Variants in RAB27A observed in about 807,000 individuals in gnomAD.
RAB27A encodes the protein RAB27A, member RAS oncogene family.
In RAB27A, 17 loss-of-function variants were observed where a neutral mutation model predicts 20.8. The ratio of observed to expected loss-of-function variants is 0.82; its 90% confidence interval spans 0.56 to 1.23. The LOEUF (loss-of-function observed/expected upper bound fraction) is 1.23. Ranked by LOEUF, RAB27A falls within the 50% of genes most tolerant of loss-of-function variation. The pLI, the probability that RAB27A is intolerant of heterozygous loss-of-function variation, is 0.00. For synonymous variants in RAB27A, 85 were observed against 92.8 expected (o/e 0.92, Z 0.48); for missense variants, 277 against 266.7 (o/e 1.04, Z -0.27).
rs143297623 is a variant in RAB27A, at chr15:55,255,781, G to A, written c.-23+14384C>T. Among the ~76,000 whole-genome samples, 22 of 152,206 alleles carry A rather than the reference G, an allele frequency of 1.4e-4. No individual in the cohort carries two copies. The East Asian group carries it at 4.1e-3, about 28-fold the overall frequency. On this transcript the variant is annotated intron_variant, in intron 2 of 6. Coordinates refer to ENST00000336787, the MANE Select transcript of RAB27A (RefSeq NM_183235.3). ...AAGAAGTTGGTAATTAGGGTGAGGT[G>A]GAATGATGTACTCATTTACGAAAAA...
intron 2 of RAB27A, among the ~76,000 whole-genome samples, chr15:55,262,598 A>G (rs1897313565): frequency 1.3e-5 from 2 of 150,770 alleles, no homozygotes; most frequent in South Asian, 2.1e-4. Flanking sequence ...GTGAATAGAC[A>G]TGGTGATACA....
rs371457508 is a variant in RAB27A, at chr15:55,279,884, T to C, written c.-142-9600A>G. On this transcript the variant is annotated intron_variant, in intron 1 of 6. Coordinates refer to ENST00000336787, the MANE Select transcript of RAB27A (RefSeq NM_183235.3). ...CGAGGTCAGCAGCCTTAACCAGCGA[T>C]TGAGTCATGAAATGTACTTGTAGAC... 2.8e-4 allele frequency among the ~76,000 whole-genome samples: 42 copies of C among 152,252 alleles called. 2 individuals are homozygous for C. The highest frequency in any genetic ancestry group is 1.2e-3 in the Admixed American group (19 of 15,288).
chr15:55,287,472 G>T (rs963095577), intron 1 of RAB27A, among the ~76,000 whole-genome samples: 12 of 152,296 alleles, frequency 7.9e-5, no homozygotes, highest in African/African-American at 2.2e-4. Context: ...GGAAGGCCAG[G>T]CATGGTGGCT....
intron 1 of RAB27A, among the ~76,000 whole-genome samples, chr15:55,274,794 T>TTACATATATATATATATA (rs1555399452): frequency 3.8e-5 from 2 of 52,172 alleles, no homozygotes; most frequent in Non-Finnish European, 8.7e-5. Flanking sequence ...AATAAATAAA[T>TTACATATATATATATATA]TATATATATA....
chr15:55,278,528 G>C (rs1897932749), intron 1 of RAB27A, among the ~76,000 whole-genome samples: 2 of 149,462 alleles, frequency 1.3e-5, no homozygotes, highest in Non-Finnish European at 3.0e-5. Flanking sequence ...TGCCACCCAG[G>C]CTGGAGTGCA....
chr15:55,257,915 C>A (rs897168993), intron 2 of RAB27A, among the ~76,000 whole-genome samples: 1 of 152,022 alleles, frequency 6.6e-6, no homozygotes, highest in Non-Finnish European at 1.5e-5. Context: ...ATTGCTTGAA[C>A]CTGGGAGGCA....
At chr15:55,258,548 C>T (rs1301790449) in intron 2 of RAB27A, among the ~76,000 whole-genome samples, 2 of 152,144 alleles carry the variant, frequency 1.3e-5, no homozygotes, top group African/African-American at 4.8e-5. Context: ...CTAGGGTAGG[C>T]GTCAAAGCGT....
At position 55,230,680 on chromosome 15, in the gene RAB27A, A is replaced by C. The variant is rs954508554; in HGVS notation, c.154-194T>G. On this transcript the variant is annotated intron_variant, in intron 3 of 6. Transcript: ENST00000336787. ...TAATAAGTTATATTGAAATATATACATATATATCTTATAAATATATTGTAA... is the reference window on the plus strand; with the variant it reads ...TAATAAGTTATATTGAAATATATACCTATATATCTTATAAATATATTGTAA... Among the ~76,000 whole-genome samples the C allele has an allele frequency of 2.6e-5, 4 of 152,106 alleles. No homozygotes were observed. In the South Asian group the frequency reaches 6.2e-4, roughly 24 times the overall value.
intron 6 of RAB27A, among the ~76,000 whole-genome samples, chr15:55,213,814 C>T (rs116994520): frequency 0.04 from 6,139 of 152,270 alleles, 147 homozygotes; most frequent in Non-Finnish European, 0.055. Context: ...ACTGATTCTA[C>T]ATTATGGTGA....
chr15:55,213,844 A>T (rs1895139958), intron 6 of RAB27A, among the ~76,000 whole-genome samples: 1 of 152,214 alleles, frequency 6.6e-6, no homozygotes, highest in Admixed American at 6.5e-5. Context: ...TTATTTCATT[A>T]TATATGGCAA....
rs927770280 is a variant in RAB27A, at chr15:55,203,841, A to C, written c.*1666T>G. On this transcript the variant is annotated 3_prime_UTR_variant, in exon 7 of 7. Coordinates refer to ENST00000336787, the MANE Select transcript of RAB27A (RefSeq NM_183235.3). ...CTTCATTTCAAGGATAGAAATATGT[A>C]AAATTTTACCAACCATGGATAAGTT... 1.1e-3 allele frequency: 165 copies of C among 152,240 alleles called. 2 individuals are homozygous for C. The highest frequency in any genetic ancestry group is 3.7e-3 in the African/African-American group (153 of 41,560). The allele number at this position is 152,240 out of a possible 1,614,324, so 9.4% of individuals were successfully genotyped here.
At chr15:55,275,244 TC>T (rs1206175396) in intron 1 of RAB27A, among the ~76,000 whole-genome samples, 1 of 147,594 alleles carries the variant, frequency 6.8e-6, no homozygotes, top group Non-Finnish European at 1.5e-5. Flanking sequence ...AGAGTGAGAC[TC>T]CATCTAACAA....
chr15:55,286,258 T>C (rs964235726), intron 1 of RAB27A, among the ~76,000 whole-genome samples: 1 of 152,186 alleles, frequency 6.6e-6, no homozygotes, highest in Non-Finnish European at 1.5e-5. Context: ...TCAACACATA[T>C]CTCTTTGAGT....
intron 6 of RAB27A, among the ~76,000 whole-genome samples, chr15:55,218,775 C>T (rs1259656004): frequency 6.7e-6 from 1 of 150,290 alleles, no homozygotes; most frequent in Non-Finnish European, 1.5e-5. Flanking sequence ...CAGAGCCTCG[C>T]TCTTTTGCTC....
At chr15:55,260,976 T>C (rs191025260) in intron 2 of RAB27A, among the ~76,000 whole-genome samples, 1 of 150,674 alleles carries the variant, frequency 6.6e-6, no homozygotes, top group Non-Finnish European at 1.5e-5. Flanking sequence ...GTAACAAACG[T>C]ACCACTCTGG....
intron 2 of RAB27A, among the ~76,000 whole-genome samples, chr15:55,301,618 C>G (rs1238137701): frequency 6.6e-6 from 1 of 151,088 alleles, no homozygotes; most frequent in Non-Finnish European, 1.5e-5. Flanking sequence ...CTATCTACTT[C>G]CAGAACATTT....
At chr15:55,207,786 G>A (rs966122368) in intron 6 of RAB27A, among the ~76,000 whole-genome samples, 5 of 152,154 alleles carry the variant, frequency 3.3e-5, no homozygotes, top group Admixed American at 6.5e-5. Context: ...AAGTTCAAGC[G>A]ATTCTCGTCC....
chr15:55,276,729 T>C (rs76348321), intron 1 of RAB27A, among the ~76,000 whole-genome samples: 6,974 of 152,268 alleles, frequency 0.046, 172 homozygotes, highest in African/African-American at 0.067. Flanking sequence ...TGAAAAGCTA[T>C]TATACAGTAT....
At chr15:55,231,627 T>C (rs1477282784) in intron 3 of RAB27A, among the ~76,000 whole-genome samples, 2 of 152,120 alleles carry the variant, frequency 1.3e-5, no homozygotes, top group Admixed American at 1.3e-4. Context: ...TGTGCACAAA[T>C]GTGGTTGTTG....
Sources: allele counts gnomAD v4.1 joint callset (sites outside exome capture counted in the v4.1 genomes callset), GRCh38; gene constraint gnomAD v4.1.1; transcripts MANE v1.5; gene names NCBI Gene and HGNC (gene_info 2026-07-23, HGNC 2026-07-21).